The following KIAA1671 variants were observed in gnomAD, a reference collection of about 807,000 sequenced individuals.
KIAA1671 encodes uncharacterized protein KIAA1671.
In KIAA1671, 52 loss-of-function variants were observed where a neutral mutation model predicts 131.2. The ratio of observed to expected loss-of-function variants is 0.40; its 90% CI spans 0.32 to 0.50. The LOEUF (loss-of-function observed/expected upper bound fraction) is 0.50. Among genes scored for constraint, KIAA1671 ranks in the 20% least tolerant of loss-of-function variants. The pLI is 0.73. For synonymous variants in KIAA1671, 1,003 were observed against 961.6 expected (o/e 1.04, Z -0.80); for missense variants, 2,360 against 2,364.2 (o/e 1.00, Z 0.04).
chr22:25,057,401 C>A (rs60427130), intron 6 of KIAA1671: 32,032 of 152,150 alleles, frequency 0.21, 3,495 homozygotes, highest in Middle Eastern at 0.28. Flanking sequence ...ACAGGGACAC[C>A]TGTTCCTTGC....
intron 6 of KIAA1671, among the ~76,000 whole-genome samples, chr22:25,084,060 T>G (rs1929560148): frequency 6.6e-6 from 1 of 152,270 alleles, no homozygotes; most frequent in Non-Finnish European, 1.5e-5. Flanking sequence ...TCAGTCCCAG[T>G]AGTCTGCAGA....
chr22:25,089,266 ATTTTTTTTTTTTT>A (rs34941122), intron 6 of KIAA1671, among the ~76,000 whole-genome samples: 1 of 89,278 alleles, frequency 1.1e-5, no homozygotes, highest in Non-Finnish European at 2.1e-5. Flanking sequence ...TGTGTGTTTA[ATTTTTTTTTTTTT>A]TTTTTTTTTT....
At chr22:24,956,878 A>AAAG (rs1921734524) in intron 1 of KIAA1671, among the ~76,000 whole-genome samples, 1 of 151,194 alleles carries the variant, frequency 6.6e-6, no homozygotes, top group Non-Finnish European at 1.5e-5. Context: ...TCTCAAAAAA[A>AAAG]AAAAAAAAAA....
intron 6 of KIAA1671, among the ~76,000 whole-genome samples, chr22:25,093,990 G>A (rs1385189749): frequency 1.3e-5 from 2 of 151,816 alleles, no homozygotes; most frequent in Non-Finnish European, 2.9e-5. Context: ...TTGGGTTAAA[G>A]AAGGGAGGGA....
At chr22:24,973,204 C>T (rs1263125717) in intron 1 of KIAA1671, among the ~76,000 whole-genome samples, 1 of 152,030 alleles carries the variant, frequency 6.6e-6, no homozygotes, top group Admixed American at 6.6e-5. Context: ...TTTAAAAAAC[C>T]CTGACTGCTG....
chr22:25,106,009 TAGTA>T (rs1202128396), intron 6 of KIAA1671, among the ~76,000 whole-genome samples: 1 of 152,196 alleles, frequency 6.6e-6, no homozygotes, highest in African/African-American at 2.4e-5. Flanking sequence ...GCCTGGCACA[TAGTA>T]AGTGCTCAGT....
intron 6 of KIAA1671, among the ~76,000 whole-genome samples, chr22:25,109,340 C>T (rs986602982): frequency 1.3e-5 from 2 of 152,106 alleles, no homozygotes; most frequent in Admixed American, 6.5e-5. Flanking sequence ...GAACTCTTGA[C>T]CTTGTGATCC....
chr22:25,043,534 T>C (rs1053329725), intron 5 of KIAA1671, among the ~76,000 whole-genome samples: 1 of 152,114 alleles, frequency 6.6e-6, no homozygotes, highest in South Asian at 2.1e-4. Flanking sequence ...ACCACGAAGG[T>C]GGGGAAGAAA....
At chr22:25,021,836 GAGTGC>G (rs1178606179) in intron 1 of KIAA1671, among the ~76,000 whole-genome samples, 6 of 151,850 alleles carry the variant, frequency 4.0e-5, no homozygotes, top group Admixed American at 1.3e-4. Flanking sequence ...GCCCAGGCTG[GAGTGC>G]AGTGGTGCGA....
intron 1 of KIAA1671, among the ~76,000 whole-genome samples, chr22:24,995,273 C>T (rs1216663378): frequency 1.3e-5 from 2 of 151,750 alleles, no homozygotes; most frequent in Admixed American, 6.6e-5. Flanking sequence ...AGGATGGTCT[C>T]GATCTCCTGA....
chr22:25,033,488 C>T (rs1462375989), intron 4 of KIAA1671, among the ~76,000 whole-genome samples: 2 of 150,808 alleles, frequency 1.3e-5, no homozygotes, highest in South Asian at 2.1e-4. Flanking sequence ...TAAGAGAAAA[C>T]TCATAAAATT....
intron 6 of KIAA1671, among the ~76,000 whole-genome samples, chr22:25,103,521 G>C (rs1321025386): frequency 9.2e-5 from 14 of 152,114 alleles, no homozygotes; most frequent in Non-Finnish European, 2.1e-4. Context: ...ACCACGCCCA[G>C]CTAATTTTTT....
In KIAA1671 at chr22:25,039,508, T is replaced by A. The variant is rs926572934; in HGVS notation, c.2378T>A (p.Val793Asp). 92 of 1,551,790 alleles carry A rather than the reference T, an allele frequency of 5.9e-5. No individual in the cohort carries two copies. In the East Asian group the frequency reaches 2.0e-3, roughly 34 times the overall value. Residue 793 changes from valine to aspartate, a missense_variant, in exon 5 of 13, where the codon GTC becomes GAC. By Grantham distance (152) the Val-to-Asp change is radical. Coordinates refer to ENST00000358431, the MANE Select transcript of KIAA1671 (RefSeq NM_001145206.2). ...ECGLEGQAGS[V>D]QRASLIWEAR... ...GGTTTGGAAGGTCAGGCGGGGTCCG[T>A]CCAAAGGGCCAGTTTGATTTGGGAA...
chr22:25,023,989 A>T (rs1007791989), intron 1 of KIAA1671: 15 of 152,080 alleles, frequency 9.9e-5, no homozygotes, highest in South Asian at 4.2e-4. Flanking sequence ...TTCTTTGTTC[A>T]TTGATTTATT....
intron 6 of KIAA1671, among the ~76,000 whole-genome samples, chr22:25,110,356 A>G (rs1440042865): frequency 6.6e-6 from 1 of 152,146 alleles, no homozygotes; most frequent in South Asian, 2.1e-4. Flanking sequence ...CTGGGTTTCA[A>G]TTGTGTACTT....
chr22:25,043,145 AT>A (rs2145810852), intron 5 of KIAA1671, among the ~76,000 whole-genome samples: 1 of 152,022 alleles, frequency 6.6e-6, no homozygotes, highest in African/African-American at 2.4e-5. Flanking sequence ...GATCACTTTA[AT>A]TACAAGCACA....
At chr22:25,121,145 C>T (rs911356588) in intron 6 of KIAA1671, among the ~76,000 whole-genome samples, 1 of 152,166 alleles carries the variant, frequency 6.6e-6, no homozygotes, top group Non-Finnish European at 1.5e-5. Context: ...GGGAGTGTTA[C>T]GTTTTCGGAT....
intron 6 of KIAA1671, chr22:25,063,217 G>A (rs940590896): frequency 3.9e-5 from 6 of 152,080 alleles, no homozygotes; most frequent in Non-Finnish European, 1.5e-5. Flanking sequence ...CCACCGCCCG[G>A]GTTTGTTTTT....
intron 6 of KIAA1671, among the ~76,000 whole-genome samples, chr22:25,094,683 T>C (rs1331002528): frequency 2.0e-5 from 3 of 152,144 alleles, no homozygotes; most frequent in Non-Finnish European, 4.4e-5. Context: ...TAAGAAAATA[T>C]GTCATGTGCC....
Sources: gnomAD v4.1 joint callset for allele counts (sites outside exome capture counted in the v4.1 genomes callset) on GRCh38, gnomAD v4.1.1 for gene constraint, MANE v1.5 for transcripts, NCBI Gene and HGNC (gene_info 2026-07-23, HGNC 2026-07-21) for gene names.